Variants in CLSTN2 observed in about 807,000 individuals in gnomAD.
CLSTN2 encodes the protein calsyntenin 2.
Under a neutral mutation model 101.2 loss-of-function variants are expected in CLSTN2, and 48 were observed. The ratio of observed to expected loss-of-function variants is 0.47; its 90% CI spans 0.38 to 0.60. The LOEUF is 0.60. Ranked by LOEUF, CLSTN2 falls within the 20% of genes least tolerant of loss-of-function variation. CLSTN2 has a pLI of 0.00. For missense variants in CLSTN2, 1,160 were observed against 1,238.2 expected (o/e 0.94, Z 0.95); for synonymous variants, 481 against 463.6 (o/e 1.04, Z -0.48).
chr3:139,945,492 A>C (rs573169045), intron 1 of CLSTN2, among the ~76,000 whole-genome samples: 34 of 152,308 alleles, frequency 2.2e-4, no homozygotes, highest in African/African-American at 8.2e-4. Flanking sequence ...TGTCTTATTA[A>C]TTTAGTTAAT....
intron 5 of CLSTN2, among the ~76,000 whole-genome samples, chr3:140,446,146 C>G (rs1476496848): frequency 1.3e-5 from 2 of 152,090 alleles, no homozygotes; most frequent in Admixed American, 6.5e-5. Context: ...TTAGATACAC[C>G]AGACAAAAAG....
chr3:140,037,742 T>C (rs762835423), intron 1 of CLSTN2, among the ~76,000 whole-genome samples: 1 of 152,104 alleles, frequency 6.6e-6, no homozygotes, highest in South Asian at 2.1e-4. Context: ...GTTCCCCCCA[T>C]GTGTTCATGA....
chr3:139,973,297 C>A (rs906183492), intron 1 of CLSTN2, among the ~76,000 whole-genome samples: 3 of 152,242 alleles, frequency 2.0e-5, no homozygotes, highest in Admixed American at 2.0e-4. Context: ...GGCTGAGAAG[C>A]AAGGCAGGGT....
chr3:140,260,161 A>G (rs1576488712), intron 2 of CLSTN2, among the ~76,000 whole-genome samples: 1 of 148,746 alleles, frequency 6.7e-6, no homozygotes, highest in South Asian at 2.1e-4. Context: ...TATATATTAT[A>G]TATAAAATAC....
chr3:140,469,362 A>G (rs567891310), intron 8 of CLSTN2, among the ~76,000 whole-genome samples: 17 of 152,204 alleles, frequency 1.1e-4, no homozygotes, highest in Non-Finnish European at 2.2e-4. Flanking sequence ...AGGGTGTAGG[A>G]AACCTCAACA....
chr3:140,207,825 C>T (rs746096975), intron 2 of CLSTN2, among the ~76,000 whole-genome samples: 34 of 152,144 alleles, frequency 2.2e-4, no homozygotes, highest in Non-Finnish European at 4.0e-4. Context: ...TAAGAAGGCA[C>T]CTGCTTCTCT....
intron 7 of CLSTN2, among the ~76,000 whole-genome samples, chr3:140,461,833 GC>G (rs1312388507): frequency 6.6e-6 from 1 of 151,850 alleles, no homozygotes; most frequent in Admixed American, 6.6e-5. Context: ...TTCAGCTTGG[GC>G]CCTTATGTGA....
intron 2 of CLSTN2, among the ~76,000 whole-genome samples, chr3:140,206,594 C>T (rs2010786079): frequency 1.3e-5 from 2 of 152,212 alleles, no homozygotes; most frequent in Admixed American, 1.3e-4. Flanking sequence ...CCTAAATTAG[C>T]TCCCCAAAGC....
chr3:139,938,133 C>G (rs1453359184), intron 1 of CLSTN2, among the ~76,000 whole-genome samples: 5 of 135,844 alleles, frequency 3.7e-5, no homozygotes, highest in African/African-American at 1.1e-4. Flanking sequence ...CATTGTTATT[C>G]CCATCACAAA....
intron 7 of CLSTN2, among the ~76,000 whole-genome samples, chr3:140,462,982 G>C (rs1346357995): frequency 1.3e-5 from 2 of 152,226 alleles, no homozygotes; most frequent in African/African-American, 4.8e-5. Flanking sequence ...GCTGCGAAAT[G>C]AGTTTAAATG....
At chr3:140,183,971 A>G (rs531901845) in intron 2 of CLSTN2, among the ~76,000 whole-genome samples, 2 of 152,344 alleles carry the variant, frequency 1.3e-5, no homozygotes, top group East Asian at 3.9e-4. Context: ...ATGAGCATCA[A>G]ACAACAACCA....
In CLSTN2 at chr3:140,574,458, T is replaced by C. The variant is rs1414282294; in HGVS notation, c.*8205T>C. 6.6e-6 allele frequency: 1 copy of C among 152,228 alleles called. No individual in the cohort carries two copies. Among genetic ancestry groups the C allele is most frequent in the Non-Finnish European group, 1.5e-5 (1 of 68,068 alleles). The allele number at this position is 152,228 out of a possible 1,614,324, so 9.4% of individuals were successfully genotyped here. A position where few individuals can be genotyped will look rare whatever the true frequency, so the allele number is the denominator to read the frequency against. On this transcript the variant is annotated 3_prime_UTR_variant, in exon 17 of 17. Transcript: ENST00000458420. Reference sequence around the variant, plus strand: ...CATCCCAACTGAGGAGAGAAAACCCTAATTTGTTAATGACCCAGCCTTGTG... The same window carrying C: ...CATCCCAACTGAGGAGAGAAAACCCCAATTTGTTAATGACCCAGCCTTGTG...
At chr3:140,109,372 A>G (rs2009115388) in intron 1 of CLSTN2, among the ~76,000 whole-genome samples, 1 of 152,102 alleles carries the variant, frequency 6.6e-6, no homozygotes, top group Non-Finnish European at 1.5e-5. Flanking sequence ...CCTGGGAGAG[A>G]CTGTGTGACT....
chr3:140,300,567 G>A (rs2087048095), intron 2 of CLSTN2, among the ~76,000 whole-genome samples: 1 of 152,142 alleles, frequency 6.6e-6, no homozygotes, highest in Admixed American at 6.5e-5. Context: ...TTCTTTTGGG[G>A]TCAGGGGCTC....
In CLSTN2 at chr3:140,064,912, T is replaced by C. The variant is rs181491696; in HGVS notation, c.110-111039T>C. Among the ~76,000 whole-genome samples the C allele has an allele frequency of 5.8e-3, 883 of 152,264 alleles. 5 individuals are homozygous for C. The highest frequency in any genetic ancestry group is 9.5e-3 in the Non-Finnish European group (645 of 68,026). ...AAAGATGACAAAGGGAATATCACCATGGATATGGAATAGATTAAGTCAAAT... is the reference window on the plus strand; with the variant it reads ...AAAGATGACAAAGGGAATATCACCACGGATATGGAATAGATTAAGTCAAAT... On this transcript the variant is annotated intron_variant, in intron 1 of 16. Transcript: ENST00000458420.
intron 10 of CLSTN2, among the ~76,000 whole-genome samples, chr3:140,548,125 A>G (rs1400801070): frequency 6.6e-6 from 1 of 152,212 alleles, no homozygotes; most frequent in African/African-American, 2.4e-5. Context: ...CCCTTGGAAA[A>G]GCTGGTGGTC....
In CLSTN2 at chr3:140,038,731, C is replaced by T. The variant is rs185539659; in HGVS notation, c.109+103248C>T. Among the ~76,000 whole-genome samples the T allele has an allele frequency of 4.3e-3, 654 of 152,184 alleles. 19 individuals carry two copies. Among genetic ancestry groups the T allele is most frequent in the Non-Finnish European group, 1.4e-3 (96 of 68,006 alleles). The stretch of plus-strand genomic sequence containing the variant: ...GTTAAATTTTACAAAATTGACTTAT[C>T]TTAGTTTCTTGTATTAGAAAATGTT... On this transcript the variant is annotated intron_variant, in intron 1 of 16. Coordinates refer to ENST00000458420, the MANE Select transcript of CLSTN2 (RefSeq NM_022131.3).
At chr3:139,973,305 G>A (rs1432944437) in intron 1 of CLSTN2, among the ~76,000 whole-genome samples, 3 of 152,228 alleles carry the variant, frequency 2.0e-5, no homozygotes, top group Non-Finnish European at 2.9e-5. Context: ...AGCAAGGCAG[G>A]GTGTCTGGTC....
At chr3:140,096,585 T>C (rs1426114815) in intron 1 of CLSTN2, among the ~76,000 whole-genome samples, 1 of 152,196 alleles carries the variant, frequency 6.6e-6, no homozygotes, top group Admixed American at 6.5e-5. Flanking sequence ...TATGAAGAAT[T>C]CTTCTAGGTC....
Sources: gnomAD v4.1 joint callset for allele counts (sites outside exome capture counted in the v4.1 genomes callset) on GRCh38, gnomAD v4.1.1 for gene constraint, MANE v1.5 for transcripts, NCBI Gene and HGNC (gene_info 2026-07-23, HGNC 2026-07-21) for gene names.